Variants in DNAH1 observed in about 807,000 individuals in gnomAD.
DNAH1 encodes dynein axonemal heavy chain 1, also known as axonemal beta dynein heavy chain 1.
A neutral mutation model predicts 484.3 loss-of-function variants in DNAH1; 327 were observed. That is an observed-to-expected ratio of 0.68 (90% confidence interval 0.62 to 0.74). The LOEUF (loss-of-function observed/expected upper bound fraction) is 0.74, where lower values mean the gene tolerates loss of function less well. Ranked by LOEUF, DNAH1 falls within the 30% of genes least tolerant of loss-of-function variation. The probability of loss-of-function intolerance (pLI) is 0.00; values close to 1 mark genes in which losing one functional copy is unlikely to be tolerated. For synonymous variants in DNAH1, 2,192 were observed against 2,191.9 expected (o/e 1.00, Z 0.00); for missense variants, 5,052 against 5,546.8 (o/e 0.91, Z 2.83).
upstream of DNAH1, among the ~76,000 whole-genome samples, chr3:52,314,471 G>T (rs1197762391): frequency 6.6e-6 from 1 of 152,206 alleles, no homozygotes; most frequent in Non-Finnish European, 1.5e-5. Flanking sequence ...TGTGCAACTG[G>T]GCTGGTGTCA....
At chr3:52,334,550 G>A (rs1701668585) in intron 8 of DNAH1, among the ~76,000 whole-genome samples, 1 of 152,040 alleles carries the variant, frequency 6.6e-6, no homozygotes. Flanking sequence ...GCACTTTGGG[G>A]GGCCAAGGTG....
intron 8 of DNAH1, among the ~76,000 whole-genome samples, chr3:52,333,242 G>A (rs906981252): frequency 1.3e-5 from 2 of 152,236 alleles, no homozygotes; most frequent in South Asian, 2.1e-4. Context: ...GGCATTAGAT[G>A]TGCTCATTGC....
At chr3:52,339,802 GTC>G (rs1701867286) in intron 8 of DNAH1, among the ~76,000 whole-genome samples, 1 of 146,282 alleles carries the variant, frequency 6.8e-6, no homozygotes, top group African/African-American at 2.5e-5. Flanking sequence ...CTGTGTGTGT[GTC>G]TGTGTGTGTG....
chr3:52,311,214 G>T, the DNAH1 span, among the ~76,000 whole-genome samples: 1 of 152,314 alleles, frequency 6.6e-6, no homozygotes, highest in African/African-American at 2.4e-5. Context: ...GGCTCAGTTT[G>T]TTTGGTTTGG....
At position 52,355,862 on chromosome 3, in the gene DNAH1, C is replaced by T. The variant is rs1207252678; in HGVS notation, c.3694-752C>T. 6.6e-6 allele frequency among the ~76,000 whole-genome samples: 1 copy of T among 152,278 alleles called. No individual in the cohort carries two copies. The highest frequency in any genetic ancestry group is 1.5e-5 in the Non-Finnish European group (1 of 68,052). ...ATCCTTCAAGGGGTTCCCACCGAGG[C>T]CATTGTCGGTGCCTCTTTCAGAGTC... On this transcript the variant is annotated intron_variant, in intron 21 of 77. Transcript: ENST00000420323. The surrounding 1 kb of genome is among the most constrained non-coding windows in gnomAD (Gnocchi z 4.5).
chr3:52,356,511 G>A, intron 21 of DNAH1, 103 bp from the exon 22 acceptor site: 3 of 1,219,664 alleles, frequency 2.5e-6, no homozygotes, highest in Non-Finnish European at 3.5e-6. Context: ...CCAGTGCTCT[G>A]CCCAACATGC....
chr3:52,362,800 G>A lies in DNAH1; in HGVS notation c.5095-195G>A, dbSNP rs1039503329. On this transcript the variant is annotated intron_variant, in intron 31 of 77. Coordinates refer to ENST00000420323, the MANE Select transcript of DNAH1 (RefSeq NM_015512.5). The surrounding 1 kb of genome is among the most constrained non-coding windows in gnomAD (Gnocchi z 5.1). Reference sequence around the variant, plus strand: ...GAGGGGCATCTCCTGGGAGTCATGTGGGGGCAGGTTTGGATCAACACCAAG... The same window carrying A: ...GAGGGGCATCTCCTGGGAGTCATGTAGGGGCAGGTTTGGATCAACACCAAG... Among the ~76,000 whole-genome samples, 3 of 152,134 alleles carry A rather than the reference G, an allele frequency of 2.0e-5. No individual in the cohort carries two copies. The highest frequency in any genetic ancestry group is 7.2e-5 in the African/African-American group (3 of 41,414).
chr3:52,372,835 C>T (rs1703403957), intron 43 of DNAH1, 61 bp from the exon 44 acceptor site: 6 of 1,558,970 alleles, frequency 3.8e-6, no homozygotes, highest in Non-Finnish European at 5.2e-6. Flanking sequence ...CCCGTTCGCC[C>T]CTGGATTCTC....
chr3:52,318,744 G>T (rs573179467), intron 1 of DNAH1, among the ~76,000 whole-genome samples: 1 of 152,092 alleles, frequency 6.6e-6, no homozygotes, highest in Admixed American at 6.5e-5. Context: ...AGTTTGCATC[G>T]GGTGAATGCT....
At chr3:52,393,724 C>A (rs756309530) in intron 66 of DNAH1, among the ~76,000 whole-genome samples, 1 of 152,156 alleles carries the variant, frequency 6.6e-6, no homozygotes, top group Non-Finnish European at 1.5e-5. Context: ...TCAAGACCAC[C>A]CTGGTCTCTA....
In DNAH1 at chr3:52,326,834, C is replaced by A; in HGVS notation, c.681C>A (p.His227Gln). 1.2e-6 allele frequency: 2 copies of A among 1,613,666 alleles called. No individual in the cohort carries two copies. The highest frequency in any genetic ancestry group is 1.7e-6 in the Non-Finnish European group (2 of 1,179,736). ...KLMPRHLDHQ[H>Q]PQTIEQGHDP... ...TGCCCAGGCACCTGGACCACCAGCA[C>A]CCCCAAACCATCGAACAGGGCCATG... Residue 227 changes from histidine (H) to glutamine (Q), a missense_variant, in exon 5 of 78, where the codon CAC (histidine) becomes CAA (glutamine). By Grantham distance (24) the His-to-Gln change is conservative. Around this residue, in one of 4 missense-constraint regions of DNAH1, gnomAD observed 1,263 missense variants for 1,218.8 expected, o/e 1.04. Transcript: ENST00000420323.
Position 52,368,595 on chromosome 3 carries a change from C to A in DNAH1, c.5766-146C>A. ...ACCATGTGACACCAAAAAAATCCCA[C>A]TTTTCCTATTATAATTTTTAAAAGA... On this transcript the variant is annotated intron_variant, in intron 36 of 77. Coordinates refer to ENST00000420323, the MANE Select transcript of DNAH1 (RefSeq NM_015512.5). The surrounding 1 kb of genome is among the most constrained non-coding windows in gnomAD (Gnocchi z 4.4). 1.1e-6 allele frequency: 1 copy of A among 878,172 alleles called. No individual in the cohort carries two copies. Among genetic ancestry groups the A allele is most frequent in the Non-Finnish European group, 1.7e-6 (1 of 584,064 alleles). 54.4% of individuals were successfully genotyped at this position (878,172 alleles called of 1,614,324 possible). A position where few individuals can be genotyped will look rare whatever the true frequency, so the allele number is the denominator to read the frequency against.
At chr3:52,398,550 A>C (rs1331564614) in intron 75 of DNAH1, among the ~76,000 whole-genome samples, 1 of 152,178 alleles carries the variant, frequency 6.6e-6, no homozygotes, top group African/African-American at 2.4e-5. Flanking sequence ...GGCCTCCCAA[A>C]GTGCTGGGAT....
chr3:52,337,351 C>T (rs1319283843), intron 8 of DNAH1, among the ~76,000 whole-genome samples: 1 of 152,168 alleles, frequency 6.6e-6, no homozygotes, highest in Non-Finnish European at 1.5e-5. Flanking sequence ...TTTCGATCTG[C>T]ATTTTACTTT....
In DNAH1 at chr3:52,345,566, C is replaced by T. The variant is rs532226080; in HGVS notation, c.1516C>T (p.Arg506Trp). The T allele has an allele frequency of 3.9e-5, 63 of 1,596,676 alleles. No homozygotes were observed. The highest frequency in any genetic ancestry group is 3.3e-4 in the Admixed American group (19 of 57,078). ...EDFTFVSLLTRPEVITALSKV... is the reference protein window; with the variant it reads ...EDFTFVSLLTWPEVITALSKV... ...CTTCACTTTCGTGTCCCTGCTCACA[C>T]GGCCAGAGGTCATCACGGCCCTCAG... Residue 506 changes from arginine to tryptophan, a missense_variant, in exon 10 of 78, where the codon CGG (arginine) becomes TGG (tryptophan). This residue lies in a region of DNAH1 where 1,263 missense variants were observed against 1,218.8 expected (regional missense o/e 1.04). Coordinates refer to ENST00000420323, the MANE Select transcript of DNAH1 (RefSeq NM_015512.5).
chr3:52,364,454 G>A lies in DNAH1; in HGVS notation c.5245-184G>A, dbSNP rs1331219107. Among the ~76,000 whole-genome samples the A allele has an allele frequency of 6.6e-6, 1 of 152,182 alleles. No homozygotes were observed. The highest frequency in any genetic ancestry group is 2.4e-5 in the African/African-American group (1 of 41,438). On this transcript the variant is annotated intron_variant, in intron 32 of 77. Transcript: ENST00000420323. The surrounding 1 kb of genome is among the most constrained non-coding windows in gnomAD (Gnocchi z 4.2). ...CGGGACAGTAAAGTGCAGGGTGCCC[G>A]GGGAGCCCAAAGAAGGTGCACCTGC...
intron 1 of DNAH1, among the ~76,000 whole-genome samples, chr3:52,316,761 G>C (rs1237377262): frequency 6.6e-6 from 1 of 152,178 alleles, no homozygotes; most frequent in Admixed American, 6.5e-5. Context: ...CCCAGCAACA[G>C]GCCTGGCACC....
intron 8 of DNAH1, among the ~76,000 whole-genome samples, chr3:52,337,244 A>G (rs1211211533): frequency 6.6e-6 from 1 of 152,178 alleles, no homozygotes; most frequent in Non-Finnish European, 1.5e-5. Context: ...TTATTGGTGT[A>G]TGGAAATGCT....
chr3:52,397,624 G>A (rs1469459593), intron 73 of DNAH1, 83 bp from the exon 74 acceptor site: 7 of 1,286,250 alleles, frequency 5.4e-6, no homozygotes, highest in Non-Finnish European at 7.5e-6. Context: ...TGTGACAAGT[G>A]GGGATGTGCT....
Sources: gnomAD v4.1 joint callset for allele counts (sites outside exome capture counted in the v4.1 genomes callset) on GRCh38, gnomAD v4.1.1 for gene constraint, gnomAD v4.1.1 regional missense constraint, Gnocchi (gnomAD v3.1) non-coding constraint, MANE v1.5 for transcripts, NCBI Gene and HGNC (gene_info 2026-07-23, HGNC 2026-07-21) for gene names.